Variants in TTLL7 observed in about 807,000 individuals in gnomAD.
The protein encoded by TTLL7 is tubulin polyglutamylase TTLL7.
A neutral mutation model predicts 120.2 loss-of-function variants in TTLL7; 53 were observed. The ratio of observed to expected loss-of-function variants is 0.44; its 90% CI spans 0.35 to 0.55. TTLL7 has a LOEUF of 0.55. TTLL7 is among the 20% of genes least tolerant of loss of function. The pLI, the probability that TTLL7 is intolerant of heterozygous loss-of-function variation, is 0.00. For missense variants in TTLL7, 803 were observed against 1,054.7 expected, an observed-to-expected ratio of 0.76 and a Z score of 3.31; for synonymous variants, 353 against 351.7, an observed-to-expected ratio of 1.00 and a Z score of -0.04.
In TTLL7 at chr1:83,921,099, A is replaced by C; in HGVS notation, c.1352T>G (p.Met451Arg). Residue 451 changes from methionine to arginine, a missense_variant, in exon 12 of 21, where the codon ATG becomes AGG. Met to Arg is a moderately conservative substitution (Grantham distance 91). Transcript: ENST00000260505. Reference sequence around the variant, plus strand: ...GCAGCACAGTTACCTATAATTCCCCATATGTCGATTTTCATGTTCTTCTCG... The same window carrying C: ...GCAGCACAGTTACCTATAATTCCCCCTATGTCGATTTTCATGTTCTTCTCG... ...ISREEHENRH[M>R]GNYRRIYPPE... The C allele has an allele frequency of 6.2e-7, 1 of 1,612,736 alleles. No individual in the cohort carries two copies. Among genetic ancestry groups the C allele is most frequent in the Non-Finnish European group, 8.5e-7 (1 of 1,179,482 alleles).
intron 6 of TTLL7, among the ~76,000 whole-genome samples, chr1:83,943,544 A>C (rs1452163964): frequency 6.6e-6 from 1 of 152,212 alleles, no homozygotes; most frequent in African/African-American, 2.4e-5. Context: ...TGTTCTGTTT[A>C]AGGAAATCTC....
At chr1:83,875,045 G>A (rs991035166) in intron 20 of TTLL7, among the ~76,000 whole-genome samples, 3 of 151,532 alleles carry the variant, frequency 2.0e-5, no homozygotes, top group African/African-American at 7.3e-5. Context: ...ATTTTAAAAA[G>A]TACATAAAAC....
chr1:83,937,563 G>A (rs1169416095), intron 8 of TTLL7, among the ~76,000 whole-genome samples: 2 of 152,106 alleles, frequency 1.3e-5, no homozygotes, highest in Admixed American at 1.3e-4. Context: ...ACCATATACA[G>A]GCTATATGAT....
Position 83,919,729 on chromosome 1 carries a change from T to C in TTLL7, c.1470A>G (p.Arg490=), listed in dbSNP as rs372643592. The part of the protein sequence containing the change: ...FLSGRAASFQ[R]ELNNPLKRMK... ...TCCTTTTCAAAGGATTATTCAACTC[T>C]CGCTGGAATGAAGCTGCTCTTCCTG... Residue 490 remains arginine (R), a synonymous_variant, in exon 13 of 21, where the codon CGA becomes CGG. Coordinates refer to ENST00000260505, the MANE Select transcript of TTLL7 (RefSeq NM_024686.6). The C allele has an allele frequency of 3.3e-5, 54 of 1,612,808 alleles. No individual in the cohort carries two copies. The South Asian group carries it at 5.3e-4, about 16-fold the overall frequency.
intron 20 of TTLL7, among the ~76,000 whole-genome samples, chr1:83,877,782 T>C (rs955942919): frequency 3.9e-5 from 6 of 152,024 alleles, no homozygotes; most frequent in Middle Eastern, 6.8e-3. Context: ...AAATCTGCTT[T>C]TGGCTGTGTT....
chr1:83,909,269 C>CTTTTTTTTTTTTTTT (rs71582911), intron 15 of TTLL7, among the ~76,000 whole-genome samples: 1 of 99,292 alleles, frequency 1.0e-5, no homozygotes, highest in Non-Finnish European at 1.9e-5. Context: ...TTTTTTTTTC[C>CTTTTTTTTTTTTTTT]TTTTTTTTTT....
chr1:83,894,349 T>A (rs1221399695), intron 18 of TTLL7, among the ~76,000 whole-genome samples: 1 of 152,106 alleles, frequency 6.6e-6, no homozygotes, highest in Non-Finnish European at 1.5e-5. Flanking sequence ...CTTAAGTTCA[T>A]CAGTTTTCAC....
chr1:83,971,026 C>T (rs927839551), intron 1 of TTLL7, among the ~76,000 whole-genome samples: 3 of 151,810 alleles, frequency 2.0e-5, no homozygotes, highest in East Asian at 3.9e-4. Context: ...GTAGGGAGGA[C>T]GCCTGGAAAA....
At chr1:83,891,092 AG>A (rs1299596873) in intron 18 of TTLL7, among the ~76,000 whole-genome samples, 2 of 152,204 alleles carry the variant, frequency 1.3e-5, no homozygotes, top group African/African-American at 2.4e-5. Context: ...AGTCACAAAA[AG>A]CTATGGACCA....
chr1:83,883,136 T>A lies in TTLL7; in HGVS notation c.2370A>T (p.Gly790=). 2 of 1,581,746 alleles carry A rather than the reference T, an allele frequency of 1.3e-6. No individual in the cohort carries two copies. Among genetic ancestry groups the A allele is most frequent in the Non-Finnish European group, 1.7e-6 (2 of 1,162,846 alleles). The part of the protein sequence containing the change: ...QGLWNCFCDS[G]SSWESIFNKS... ...TATTGAATATACTCTCCCAAGAGGATCTGTTGGCATGGAAACAGACATGAT... is the reference window on the plus strand; with the variant it reads ...TATTGAATATACTCTCCCAAGAGGAACTGTTGGCATGGAAACAGACATGAT... The change falls in exon 20 of 21, where the codon GGA becomes GGT. Residue 790 remains glycine (G), a splice_region_variant and synonymous_variant. Coordinates refer to ENST00000260505, the MANE Select transcript of TTLL7 (RefSeq NM_024686.6).
At chr1:83,974,761 G>C (rs1651311704) in intron 1 of TTLL7, among the ~76,000 whole-genome samples, 1 of 151,864 alleles carries the variant, frequency 6.6e-6, no homozygotes, top group South Asian at 2.1e-4. Flanking sequence ...TTGTCAAATT[G>C]ACCTATTTAT....
chr1:83,964,098 T>C (rs551606466), intron 1 of TTLL7, among the ~76,000 whole-genome samples: 1 of 152,110 alleles, frequency 6.6e-6, no homozygotes, highest in African/African-American at 2.4e-5. Flanking sequence ...AAAATACTAA[T>C]AGACTTTACG....
chr1:83,985,387 G>A (rs1378435990), intron 1 of TTLL7, among the ~76,000 whole-genome samples: 3 of 152,166 alleles, frequency 2.0e-5, no homozygotes, highest in African/African-American at 4.8e-5. Flanking sequence ...ACCTTCTTCT[G>A]GCTGCTTTGT....
intron 16 of TTLL7, 88 bp from the exon 17 acceptor site, chr1:83,906,551 T>C (rs1452505184): frequency 5.7e-6 from 9 of 1,573,902 alleles, no homozygotes; most frequent in Non-Finnish European, 7.8e-6. Flanking sequence ...GTAAAAATGA[T>C]GCACTTTTAA....
In TTLL7 at chr1:83,919,694, C is replaced by A; in HGVS notation, c.1500+5G>T. On this transcript the variant is annotated splice_donor_5th_base_variant and intron_variant, in intron 13 of 20. Coordinates refer to ENST00000260505, the MANE Select transcript of TTLL7 (RefSeq NM_024686.6). ...TTTTCTCTATATAAACATTCATTCTCTTACCTTCATCCTTTTCAAAGGATT... is the reference window on the plus strand; with the variant it reads ...TTTTCTCTATATAAACATTCATTCTATTACCTTCATCCTTTTCAAAGGATT... The A allele has an allele frequency of 6.2e-7, 1 of 1,608,072 alleles. No homozygotes were observed. The highest frequency in any genetic ancestry group is 8.5e-7 in the Non-Finnish European group (1 of 1,177,656).
chr1:83,922,469 T>C (rs952499871), intron 10 of TTLL7, among the ~76,000 whole-genome samples: 1 of 152,148 alleles, frequency 6.6e-6, no homozygotes, highest in African/African-American at 2.4e-5. Flanking sequence ...TTCTTTTGCC[T>C]CAAGTATGTA....
chr1:83,914,657 A>G (rs1657985566), intron 14 of TTLL7, among the ~76,000 whole-genome samples: 2 of 152,174 alleles, frequency 1.3e-5, no homozygotes, highest in South Asian at 4.1e-4. Flanking sequence ...TGCTTAGAGC[A>G]CTACTCATTT....
intron 1 of TTLL7, among the ~76,000 whole-genome samples, chr1:83,974,654 C>G (rs1381577716): frequency 6.6e-6 from 1 of 151,922 alleles, no homozygotes; most frequent in Non-Finnish European, 1.5e-5. Context: ...GGTTAATGTT[C>G]ACTTTTTGGT....
chr1:83,917,788 C>A, intron 13 of TTLL7, 98 bp from the exon 14 acceptor site: 1 of 757,726 alleles, frequency 1.3e-6, no homozygotes, highest in Non-Finnish European at 2.2e-6. Context: ...GCAAGGATTC[C>A]TGAAATTATT....
Sources: allele counts gnomAD v4.1 joint callset (sites outside exome capture counted in the v4.1 genomes callset), GRCh38; gene constraint gnomAD v4.1.1; transcripts MANE v1.5; gene names NCBI Gene and HGNC (gene_info 2026-07-23, HGNC 2026-07-21).